Variants in BEND6 observed in about 807,000 individuals in gnomAD.
The protein encoded by BEND6 is BEN domain containing 6.
A neutral mutation model predicts 31.8 loss-of-function variants in BEND6; 24 were observed. The ratio of observed to expected loss-of-function variants is 0.75; its 90% CI spans 0.55 to 1.06. BEND6 has a LOEUF of 1.06. Among genes scored for constraint, BEND6 ranks in the 50% least tolerant of loss-of-function variants. BEND6 has a pLI of 0.00. For synonymous variants in BEND6, 109 were observed against 114.6 expected (o/e 0.95, Z 0.31); for missense variants, 294 against 327.4 (o/e 0.90, Z 0.79).
At chr6:56,958,860 CTGA>C (rs1825188313) in intron 1 of BEND6, among the ~76,000 whole-genome samples, 1 of 152,124 alleles carries the variant, frequency 6.6e-6, no homozygotes. Context: ...TTTCAGAGAA[CTGA>C]TTCATCATGG....
chr6:56,972,786 A>C (rs1318198447), intron 1 of BEND6, among the ~76,000 whole-genome samples: 2 of 152,186 alleles, frequency 1.3e-5, no homozygotes, highest in African/African-American at 4.8e-5. Context: ...AAACAACAAA[A>C]ATTTGTTTCT....
At chr6:56,991,158 A>G (rs1826483842) in intron 2 of BEND6, among the ~76,000 whole-genome samples, 1 of 152,222 alleles carries the variant, frequency 6.6e-6, no homozygotes, top group African/African-American at 2.4e-5. Context: ...CTTATCTCTG[A>G]ACATGATGTC....
chr6:56,992,260 C>A, intron 2 of BEND6, 118 bp from the exon 3 acceptor site: 1 of 1,137,820 alleles, frequency 8.8e-7, no homozygotes, highest in Non-Finnish European at 1.2e-6. Context: ...AGATCAGCAG[C>A]AGGAAGTGCC....
chr6:56,965,230 A>T (rs1293832196), intron 1 of BEND6, among the ~76,000 whole-genome samples: 1 of 152,150 alleles, frequency 6.6e-6, no homozygotes. Flanking sequence ...GTAAGAAAAA[A>T]TATCAGAGTA....
chr6:57,024,711 T>G (rs1465028925), intron 6 of BEND6, among the ~76,000 whole-genome samples: 1 of 152,212 alleles, frequency 6.6e-6, no homozygotes, highest in African/African-American at 2.4e-5. Flanking sequence ...ATGTGTTTGG[T>G]GTTCTCTGAC....
chr6:56,985,647 A>G (rs1826240433), intron 2 of BEND6, among the ~76,000 whole-genome samples: 1 of 152,216 alleles, frequency 6.6e-6, no homozygotes. Flanking sequence ...GAGTCAGGGA[A>G]ATGAAGCCTT....
chr6:57,001,630 C>A (rs1453597050), intron 3 of BEND6, among the ~76,000 whole-genome samples: 2 of 152,172 alleles, frequency 1.3e-5, no homozygotes, highest in Non-Finnish European at 2.9e-5. Context: ...AGGTACATAT[C>A]CTGAGAAACT....
intron 4 of BEND6, 49 bp downstream of exon 4, chr6:57,015,402 A>G: frequency 6.8e-7 from 1 of 1,477,120 alleles, no homozygotes; most frequent in Non-Finnish European, 9.3e-7. Context: ...GCTTAAATAA[A>G]AAATTTAAAT....
At chr6:56,987,136 C>G (rs939946883) in intron 2 of BEND6, among the ~76,000 whole-genome samples, 2 of 152,010 alleles carry the variant, frequency 1.3e-5, no homozygotes, top group African/African-American at 4.8e-5. Context: ...AGCCACCACG[C>G]CTGGCTAATT....
chr6:56,966,389 A>G (rs1825479607), intron 1 of BEND6, among the ~76,000 whole-genome samples: 1 of 152,188 alleles, frequency 6.6e-6, no homozygotes, highest in Non-Finnish European at 1.5e-5. Flanking sequence ...GGCGTGAGCC[A>G]CTGCGCCTGG....
At chr6:56,977,972 G>T (rs1451332936) in intron 1 of BEND6, among the ~76,000 whole-genome samples, 1 of 150,116 alleles carries the variant, frequency 6.7e-6, no homozygotes, top group Non-Finnish European at 1.5e-5. Flanking sequence ...AAAGAAAAGG[G>T]TGTACAATTC....
intron 1 of BEND6, among the ~76,000 whole-genome samples, chr6:56,974,255 A>C (rs927733650): frequency 2.6e-5 from 4 of 152,176 alleles, no homozygotes; most frequent in Admixed American, 1.3e-4. Context: ...CCCCAGAAAA[A>C]GAAATGAAGG....
intron 3 of BEND6, 145 bp downstream of exon 3, chr6:56,992,700 TTATA>T: frequency 3.2e-6 from 3 of 947,858 alleles, no homozygotes; most frequent in Non-Finnish European, 4.6e-6. Context: ...AAATCACTGA[TTATA>T]TAATTTAAAT....
At chr6:56,996,605 C>T (rs1378557444) in intron 3 of BEND6, among the ~76,000 whole-genome samples, 1 of 152,160 alleles carries the variant, frequency 6.6e-6, no homozygotes, top group Non-Finnish European at 1.5e-5. Context: ...CATTCCTCAC[C>T]TCCTTCAACC....
chr6:57,003,266 C>G (rs2127876546), intron 3 of BEND6, among the ~76,000 whole-genome samples: 1 of 152,172 alleles, frequency 6.6e-6, no homozygotes, highest in South Asian at 2.1e-4. Flanking sequence ...TTTGAAAGGC[C>G]AAGGCAGGAG....
chr6:57,018,270 A>C, intron 5 of BEND6, 151 bp from the exon 6 acceptor site: 1 of 689,444 alleles, frequency 1.5e-6, no homozygotes, highest in Non-Finnish European at 2.2e-6. Context: ...CTATATATTC[A>C]TCTGTTTAAA....
intron 1 of BEND6, among the ~76,000 whole-genome samples, chr6:56,968,891 C>T (rs536133364): frequency 1.3e-4 from 19 of 151,928 alleles, no homozygotes; most frequent in African/African-American, 3.9e-4. Context: ...CTGGCTAACA[C>T]GGTGAAACCC....
At chr6:56,988,476 T>C (rs979582148) in intron 2 of BEND6, among the ~76,000 whole-genome samples, 2 of 152,176 alleles carry the variant, frequency 1.3e-5, no homozygotes, top group African/African-American at 4.8e-5. Flanking sequence ...CCATGATGTA[T>C]ACTAACATGA....
At chr6:57,016,443 T>C (rs993303987) in intron 4 of BEND6, among the ~76,000 whole-genome samples, 1 of 152,200 alleles carries the variant, frequency 6.6e-6, no homozygotes, top group African/African-American at 2.4e-5. Flanking sequence ...CATTTCTTTC[T>C]GAAAGCTCTA....
Sources: gnomAD v4.1 joint callset for allele counts (sites outside exome capture counted in the v4.1 genomes callset) on GRCh38, gnomAD v4.1.1 for gene constraint, MANE v1.5 for transcripts, NCBI Gene and HGNC (gene_info 2026-07-23, HGNC 2026-07-21) for gene names.